DNAH14: variants seen among roughly 807,000 people sequenced by gnomAD.
DNAH14 encodes the protein dynein axonemal heavy chain 14, also known as axonemal beta dynein heavy chain 14.
Under a neutral mutation model 520.9 loss-of-function variants are expected in DNAH14, and 478 were observed. The ratio of observed to expected loss-of-function variants is 0.92; its 90% CI spans 0.85 to 0.99. DNAH14 has a LOEUF of 0.99. Among genes scored for constraint, DNAH14 ranks in the 50% least tolerant of loss-of-function variants. The probability of loss-of-function intolerance (pLI) is 0.00; values close to 1 mark genes in which losing one functional copy is unlikely to be tolerated. For missense variants in DNAH14, 4,831 were observed against 5,234.5 expected (o/e 0.92, Z 2.38); for synonymous variants, 1,581 against 1,757.2 (o/e 0.90, Z 2.51).
rs192596564 is a variant in DNAH14 at position 225,204,994 on chromosome 1, C to T, written c.5977+721C>T. Among the ~76,000 whole-genome samples, 222 of 152,268 alleles carry T rather than the reference C, an allele frequency of 1.5e-3. 1 individual carries two copies. Among genetic ancestry groups the T allele is most frequent in the South Asian group, 5.0e-3 (24 of 4,820 alleles). On this transcript the variant is annotated intron_variant, in intron 39 of 85. Coordinates refer to ENST00000682510, the MANE Select transcript of DNAH14 (RefSeq NM_001367479.1). ...TCAGAGCACCTCTTAGCAGTAGTGGCTATATGGATCCTAGCTCTACTCTTG... is the reference window on the plus strand; with the variant it reads ...TCAGAGCACCTCTTAGCAGTAGTGGTTATATGGATCCTAGCTCTACTCTTG...
At chr1:225,335,395 A>ACATGTGTGTGTGTGCACATGTACACG in intron 66 of DNAH14, among the ~76,000 whole-genome samples, 1 of 66,786 alleles carries the variant, frequency 1.5e-5, no homozygotes, top group African/African-American at 7.6e-5. Context: ...ACATATACAC[A>ACATGTGTGTGTGTGCACATGTACACG]TGTGTACATG....
chr1:224,991,612 A>C (rs577365364), intron 8 of DNAH14, among the ~76,000 whole-genome samples: 1 of 152,132 alleles, frequency 6.6e-6, no homozygotes, highest in African/African-American at 2.4e-5. Flanking sequence ...AGTAGCTGGG[A>C]TTACAGGTGT....
chr1:224,971,588 CAG>C (rs2061504680), intron 7 of DNAH14, among the ~76,000 whole-genome samples: 1 of 152,050 alleles, frequency 6.6e-6, no homozygotes, highest in East Asian at 1.9e-4. Context: ...TATAATAAAA[CAG>C]AGAACTAGAG....
At chr1:225,145,886 A>G (rs1326170916) in intron 30 of DNAH14, among the ~76,000 whole-genome samples, 1 of 152,178 alleles carries the variant, frequency 6.6e-6, no homozygotes, top group African/African-American at 2.4e-5. Flanking sequence ...TCTCTTACAA[A>G]TCTACTCAAA....
chr1:225,394,539 CT>C (rs2095976169), intron 84 of DNAH14, among the ~76,000 whole-genome samples: 1 of 152,054 alleles, frequency 6.6e-6, no homozygotes, highest in African/African-American at 2.4e-5. Flanking sequence ...CTTTCATTTT[CT>C]ATGATCTATA....
intron 41 of DNAH14, among the ~76,000 whole-genome samples, chr1:225,219,095 A>G (rs1027303427): frequency 6.6e-6 from 1 of 152,126 alleles, no homozygotes; most frequent in Non-Finnish European, 1.5e-5. Context: ...AAATAACAGA[A>G]ATGACTAAGT....
Position 224,998,657 on chromosome 1 carries a change from T to C in DNAH14, c.831-4126T>C, listed in dbSNP as rs966107042. Among the ~76,000 whole-genome samples, 10 of 152,246 alleles carry C rather than the reference T, an allele frequency of 6.6e-5. No individual in the cohort carries two copies. In the East Asian group the frequency reaches 1.7e-3, roughly 26 times the overall value. On this transcript the variant is annotated intron_variant, in intron 8 of 85. Transcript: ENST00000682510. ...TAAAAAATGTGTTGAGTTGTTGTTG[T>C]TGTTGTTGTTGTTGTTTCCAGGATA...
chr1:225,266,576 C>G, intron 48 of DNAH14, 65 bp from the exon 49 acceptor site: 1 of 1,240,530 alleles, frequency 8.1e-7, no homozygotes, highest in Non-Finnish European at 1.1e-6. Context: ...CCATAATATT[C>G]CTAATTCATA....
intron 58 of DNAH14, among the ~76,000 whole-genome samples, chr1:225,306,496 C>T (rs891228548): frequency 3.3e-5 from 5 of 152,214 alleles, no homozygotes; most frequent in African/African-American, 9.6e-5. Context: ...TACAGGCAAG[C>T]GTCAAGAGAG....
chr1:225,258,064 C>A lies in DNAH14; in HGVS notation c.6970C>A (p.Leu2324Ile). Residue 2324 changes from leucine to isoleucine, a missense_variant, in exon 45 of 86, where the codon CTT becomes ATT. Physicochemically the swap from Leu to Ile is conservative, Grantham distance 5 (BLOSUM62 2). Coordinates refer to ENST00000682510, the MANE Select transcript of DNAH14 (RefSeq NM_001367479.1). Reference protein sequence around the residue: ...NYTATRDTTCLSFLMSLLLKN... With the variant: ...NYTATRDTTCISFLMSLLLKN... ...TACCGCTACCAGAGACACAACATGC[C>A]TTTCTTTTCTCATGAGCCTTCTTTT... 1 of 1,548,982 alleles carries A rather than the reference C, an allele frequency of 6.5e-7. No individual in the cohort carries two copies. Among genetic ancestry groups the A allele is most frequent in the East Asian group, 2.5e-5 (1 of 40,540 alleles).
At chr1:225,374,282 G>A (rs1375203099) in intron 77 of DNAH14, among the ~76,000 whole-genome samples, 1 of 132,084 alleles carries the variant, frequency 7.6e-6, no homozygotes, top group Non-Finnish European at 1.6e-5. Flanking sequence ...TTTTTTTTGA[G>A]ATAGAGTCTC....
intron 56 of DNAH14, among the ~76,000 whole-genome samples, chr1:225,302,238 A>G (rs2094152820): frequency 6.6e-6 from 1 of 151,518 alleles, no homozygotes; most frequent in East Asian, 1.9e-4. Flanking sequence ...CATTTGATAT[A>G]TCTAGGTAGA....
intron 54 of DNAH14, among the ~76,000 whole-genome samples, chr1:225,286,218 T>A (rs2093738731): frequency 6.6e-6 from 1 of 152,164 alleles, no homozygotes. Context: ...ATAGGAGGAA[T>A]GAGTTCTGGT....
chr1:225,343,776 G>C (rs990437030), intron 69 of DNAH14, among the ~76,000 whole-genome samples: 23 of 130,008 alleles, frequency 1.8e-4, no homozygotes, highest in African/African-American at 6.9e-4. Flanking sequence ...CATGGACAAG[G>C]CTTCTGTATC....
intron 17 of DNAH14, among the ~76,000 whole-genome samples, chr1:225,053,410 G>A (rs1044823104): frequency 1.3e-5 from 2 of 152,186 alleles, no homozygotes; most frequent in Non-Finnish European, 2.9e-5. Context: ...CCATGTCAGG[G>A]ACTTGGAACA....
rs969918221 is a variant in DNAH14, at chr1:225,276,056, T to C, written c.8153T>C (p.Met2718Thr). The change falls in exon 53 of 86, where the codon ATG (methionine) becomes ACG (threonine). Residue 2718 changes from methionine (M) to threonine (T), a missense_variant. Physicochemically the swap from Met to Thr is moderately conservative, Grantham distance 81. Transcript: ENST00000682510. ...GCCAGTGTACTTGATGAATTCCAAATGAAGTTGGGTTCAATTTCTTTGGAG... is the reference window on the plus strand; with the variant it reads ...GCCAGTGTACTTGATGAATTCCAAACGAAGTTGGGTTCAATTTCTTTGGAG... ...KLASVLDEFQ[M>T]KLGSISLELS... 3 of 359,010 alleles carry C rather than the reference T, an allele frequency of 8.4e-6. No homozygotes were observed. The Admixed American group carries it at 1.2e-4, about 15-fold the overall frequency. The allele number at this position is 359,010 out of a possible 1,614,324, so 22.2% of individuals were successfully genotyped here.
At chr1:225,272,134 T>C (rs2093331969) in intron 51 of DNAH14, 61 bp downstream of exon 51, 1 of 1,425,566 alleles carries the variant, frequency 7.0e-7, no homozygotes, top group East Asian at 2.5e-5. Flanking sequence ...TCTCTCATAC[T>C]GTCAACATTA....
intron 64 of DNAH14, among the ~76,000 whole-genome samples, chr1:225,330,331 A>G (rs1031938008): frequency 5.3e-5 from 8 of 152,324 alleles, no homozygotes; most frequent in African/African-American, 1.9e-4. Context: ...GGAACTCAGT[A>G]TATTAAATAG....
At position 225,079,467 on chromosome 1, in the gene DNAH14, C is replaced by T; in HGVS notation, c.2685C>T (p.Asp895=). Residue 895 remains aspartate (D), a synonymous_variant, in exon 18 of 86, where the codon GAC becomes GAT. Transcript: ENST00000682510. ...TGAAGTTAAGTAAAATAAATAAAGA[C>T]ACTGCTATAACTAAATTCAGAGATA... The part of the protein sequence containing the change: ...SSMKLSKINK[D]TAITKFRDNL... 1 of 1,547,104 alleles carries T rather than the reference C, an allele frequency of 6.5e-7. No individual in the cohort carries two copies. The highest frequency in any genetic ancestry group is 8.7e-7 in the Non-Finnish European group (1 of 1,146,018).
Sources: gnomAD v4.1 joint callset for allele counts (sites outside exome capture counted in the v4.1 genomes callset) on GRCh38, gnomAD v4.1.1 for gene constraint, MANE v1.5 for transcripts, NCBI Gene and HGNC (gene_info 2026-07-23, HGNC 2026-07-21) for gene names.